Variants in PRLR observed in about 807,000 individuals in gnomAD.
PRLR encodes hPRL receptor.
In PRLR, 13 loss-of-function variants were observed where a neutral mutation model predicts 40.2. The observed-to-expected ratio is 0.32, with a 90% CI of 0.21 to 0.51. The LOEUF is 0.51. Ranked by LOEUF, PRLR falls within the 20% of genes least tolerant of loss-of-function variation. The pLI is 0.97. For synonymous variants in PRLR, 269 were observed against 278.7 expected, an observed-to-expected ratio of 0.97 and a Z score of 0.35; for missense variants, 656 against 747.3, an observed-to-expected ratio of 0.88 and a Z score of 1.42.
In PRLR at chr5:35,112,815, G is replaced by A. The variant is rs1287477536; in HGVS notation, c.-44+5246C>T. The stretch of plus-strand genomic sequence containing the variant: ...AAGATAATTGCTTGTCTCTCTTACT[G>A]GCTTATATTCATTCTTTTTTTCCCC... On this transcript the variant is annotated intron_variant, in intron 2 of 9. Coordinates refer to ENST00000618457, the MANE Select transcript of PRLR (RefSeq NM_000949.7). Among the ~76,000 whole-genome samples the A allele has an allele frequency of 2.6e-5, 4 of 152,236 alleles. No individual in the cohort carries two copies. In the East Asian group the frequency reaches 7.7e-4, roughly 29 times the overall value.
chr5:35,158,949 C>A (rs1420380338), intron 1 of PRLR, among the ~76,000 whole-genome samples: 1 of 152,136 alleles, frequency 6.6e-6, no homozygotes, highest in Non-Finnish European at 1.5e-5. Context: ...TGAGTTCAGA[C>A]TTTTGAGCTA....
chr5:35,075,529 A>C (rs933673621), intron 5 of PRLR, among the ~76,000 whole-genome samples: 4 of 152,142 alleles, frequency 2.6e-5, no homozygotes, highest in African/African-American at 4.8e-5. Context: ...ATTGTAAACA[A>C]AGTGGCCAGG....
At chr5:35,176,782 C>A (rs1268109019) in intron 1 of PRLR, among the ~76,000 whole-genome samples, 1 of 152,176 alleles carries the variant, frequency 6.6e-6, no homozygotes, top group East Asian at 1.9e-4. Flanking sequence ...AAAGACCTGA[C>A]CGTCCCCCAG....
In PRLR at chr5:35,101,689, C is replaced by CAT. The variant is rs778715022; in HGVS notation, c.-43-12028_-43-12027dup. ...GCACACCCTTTCAGGAATGAAAACA[C>CAT]ATATATATATAAAAACATACATATA... On this transcript the variant is annotated intron_variant, in intron 2 of 9. Coordinates refer to ENST00000618457, the MANE Select transcript of PRLR (RefSeq NM_000949.7). Among the ~76,000 whole-genome samples, 453 of 149,776 alleles carry CAT rather than the reference C, an allele frequency of 3.0e-3. 4 individuals are homozygous for CAT. The highest frequency in any genetic ancestry group is 3.5e-3 in the Middle Eastern group (1 of 284).
At chr5:35,190,425 C>T (rs552359689) in intron 1 of PRLR, among the ~76,000 whole-genome samples, 1 of 152,106 alleles carries the variant, frequency 6.6e-6, no homozygotes, top group East Asian at 1.9e-4. Flanking sequence ...GCCAACGTGG[C>T]AAAACCCTGT....
At position 35,065,216 on chromosome 5, in the gene PRLR, G is replaced by A; in HGVS notation, c.1742C>T (p.Pro581Leu). The A allele has an allele frequency of 6.2e-7, 1 of 1,614,186 alleles. No homozygotes were observed. The highest frequency in any genetic ancestry group is 8.5e-7 in the Non-Finnish European group (1 of 1,180,032). Reference protein sequence around the residue: ...CFEESAKEAPPSLEQNQAEKA... With the variant: ...CFEESAKEAPLSLEQNQAEKA... ...CTCAGCTTGATTCTGTTCAAGTGATGGTGGGGCCTCTTTGGCTGATTCTTC... is the reference window on the plus strand; with the variant it reads ...CTCAGCTTGATTCTGTTCAAGTGATAGTGGGGCCTCTTTGGCTGATTCTTC... Residue 581 changes from proline (P) to leucine (L), a missense_variant, in exon 10 of 10, where the codon CCA becomes CTA. Pro to Leu is a moderately conservative substitution (Grantham distance 98). This residue lies in a region of PRLR where 469 missense variants were observed against 491.5 expected (regional missense o/e 0.95). Coordinates refer to ENST00000618457, the MANE Select transcript of PRLR (RefSeq NM_000949.7).
At chr5:35,119,439 T>G (rs1773202327) in intron 1 of PRLR, among the ~76,000 whole-genome samples, 2 of 151,760 alleles carry the variant, frequency 1.3e-5, no homozygotes, top group African/African-American at 4.8e-5. Flanking sequence ...TTGCTGCTGT[T>G]GGCATGATCA....
intron 2 of PRLR, among the ~76,000 whole-genome samples, chr5:35,106,500 C>T (rs535260441): frequency 1.3e-5 from 2 of 152,256 alleles, no homozygotes; most frequent in African/African-American, 4.8e-5. Context: ...TGCAGAGACA[C>T]ACATAGGCTC....
chr5:35,086,181 T>A, intron 4 of PRLR, 27 bp downstream of exon 4: 1 of 1,612,764 alleles, frequency 6.2e-7, no homozygotes, highest in East Asian at 2.2e-5. Context: ...CATGTGGGGT[T>A]TCATAGGAGA....
At chr5:35,052,363 A>G (rs892171768), downstream of PRLR, among the ~76,000 whole-genome samples, 23 of 152,350 alleles carry the variant, frequency 1.5e-4, no homozygotes, top group Middle Eastern at 3.4e-3. Context: ...ATATCAATAG[A>G]TGTAGAAAAA....
intron 1 of PRLR, among the ~76,000 whole-genome samples, chr5:35,215,866 TAAA>T (rs1212093418): frequency 1.1e-5 from 1 of 88,894 alleles, no homozygotes. Flanking sequence ...CTGTCTCTAC[TAAA>T]AAAAAAAAAA....
At chr5:35,110,253 T>C (rs1197787222) in intron 2 of PRLR, among the ~76,000 whole-genome samples, 1 of 152,026 alleles carries the variant, frequency 6.6e-6, no homozygotes, top group African/African-American at 2.4e-5. Context: ...TTAGGAGATA[T>C]ACCTAATGTA....
At chr5:35,150,105 A>C (rs945106895) in intron 1 of PRLR, among the ~76,000 whole-genome samples, 4 of 152,118 alleles carry the variant, frequency 2.6e-5, no homozygotes, top group African/African-American at 9.7e-5. Context: ...GCTGGTCTCG[A>C]ACTCCCAACC....
At chr5:35,222,285 G>A (rs1776443654) in intron 1 of PRLR, among the ~76,000 whole-genome samples, 1 of 145,082 alleles carries the variant, frequency 6.9e-6, no homozygotes, top group African/African-American at 2.6e-5. Context: ...CCTGGAGACA[G>A]AGCAAGACTC....
chr5:35,117,748 C>G (rs1289199805), intron 2 of PRLR, among the ~76,000 whole-genome samples: 1 of 152,242 alleles, frequency 6.6e-6, no homozygotes, highest in African/African-American at 2.4e-5. Flanking sequence ...TGTCGATAAT[C>G]TCTCAATTAC....
chr5:35,161,542 A>G (rs970737413), intron 1 of PRLR, among the ~76,000 whole-genome samples: 1 of 152,260 alleles, frequency 6.6e-6, no homozygotes, highest in African/African-American at 2.4e-5. Context: ...AACTGTGGCC[A>G]TAATCACAGA....
At chr5:35,144,554 A>G (rs1774122505) in intron 1 of PRLR, among the ~76,000 whole-genome samples, 1 of 152,130 alleles carries the variant, frequency 6.6e-6, no homozygotes, top group African/African-American at 2.4e-5. Context: ...CCCAGGTTCA[A>G]GTGATTCTTA....
At chr5:35,049,442 T>C in intron 8 of PRLR, 1 of 702,272 alleles carries the variant, frequency 1.4e-6, no homozygotes, top group Non-Finnish European at 2.6e-6. Flanking sequence ...ACATTCTGAA[T>C]AACTTCTAGA....
Position 35,089,630 on chromosome 5 carries a change from C to A in PRLR, c.-10G>T. On this transcript the variant is annotated 5_prime_UTR_variant, in exon 3 of 10. The change creates a new upstream start codon in the 5' untranslated region. Coordinates refer to ENST00000618457, the MANE Select transcript of PRLR (RefSeq NM_000949.7). ...CCACATTTTCCTTCATGTTGGCTGC[C>A]TTCTCTTGCTGCAGGAAATGTATCA... 1 of 1,613,886 alleles carries A rather than the reference C, an allele frequency of 6.2e-7. No homozygotes were observed. The highest frequency in any genetic ancestry group is 1.3e-5 in the African/African-American group (1 of 75,026).
Sources: gnomAD v4.1 joint callset for allele counts (sites outside exome capture counted in the v4.1 genomes callset) on GRCh38, gnomAD v4.1.1 for gene constraint, gnomAD v4.1.1 regional missense constraint, MANE v1.5 for transcripts, NCBI Gene and HGNC (gene_info 2026-07-23, HGNC 2026-07-21) for gene names.